The following STK3 variants were observed in gnomAD, a reference collection of about 807,000 sequenced individuals.
The protein encoded by STK3 is serine/threonine kinase 3.
A neutral mutation model predicts 58.0 loss-of-function variants in STK3; 41 were observed. The ratio of observed to expected loss-of-function variants is 0.71; its 90% CI spans 0.55 to 0.92. The LOEUF (loss-of-function observed/expected upper bound fraction) is 0.92. Among genes scored for constraint, STK3 ranks in the 40% least tolerant of loss-of-function variants. The pLI, the probability that STK3 is intolerant of heterozygous loss-of-function variation, is 0.00. For synonymous variants in STK3, 170 were observed against 191.0 expected (o/e 0.89, Z 0.91); for missense variants, 479 against 602.7 (o/e 0.79, Z 2.15).
chr8:98,632,742 C>G (rs1819353053), intron 6 of STK3, among the ~76,000 whole-genome samples: 1 of 152,012 alleles, frequency 6.6e-6, no homozygotes, highest in African/African-American at 2.4e-5. Context: ...AAAGAAAAAG[C>G]AATTTATAAC....
chr8:98,827,847 G>A (rs1010814792), upstream of STK3, among the ~76,000 whole-genome samples: 2 of 151,976 alleles, frequency 1.3e-5, no homozygotes, highest in African/African-American at 4.8e-5. Context: ...AAGATCCACA[G>A]TCTGACTGTT....
At chr8:98,743,611 A>G (rs1188949553) in intron 4 of STK3, among the ~76,000 whole-genome samples, 1 of 152,254 alleles carries the variant, frequency 6.6e-6, no homozygotes, top group African/African-American at 2.4e-5. Context: ...CTTAAACGTT[A>G]GACCTAAAAC....
At chr8:98,683,328 C>T (rs1006012632) in intron 6 of STK3, among the ~76,000 whole-genome samples, 2 of 151,882 alleles carry the variant, frequency 1.3e-5, no homozygotes, top group African/African-American at 2.4e-5. Context: ...TAATTTATTT[C>T]ATTGATTCTT....
chr8:98,428,351 T>A lies in STK3; in HGVS notation n.483+5776A>T. 1 of 1,614,108 alleles carries A rather than the reference T, an allele frequency of 6.2e-7. No individual in the cohort carries two copies. The highest frequency in any genetic ancestry group is 8.5e-7 in the Non-Finnish European group (1 of 1,180,004). On this transcript the variant is annotated intron_variant and non_coding_transcript_variant, in intron 3 of 3. Transcript: ENST00000517832. The surrounding 1 kb of genome is among the most constrained non-coding windows in gnomAD (Gnocchi z 6.7). ...ACTCCTGCTGCAGCTACAGCTACCA[T>A]GGCCGCAAAGTAGAGCCCGAGCAGG...
At chr8:98,423,201 T>G (rs1311277674) in intron 3 of STK3, among the ~76,000 whole-genome samples, 1 of 152,216 alleles carries the variant, frequency 6.6e-6, no homozygotes, top group Non-Finnish European at 1.5e-5. Flanking sequence ...AATCCTGTAT[T>G]CAATAACTAT....
chr8:98,854,466 C>A (rs1836595149), intron 3 of STK3, among the ~76,000 whole-genome samples: 1 of 152,006 alleles, frequency 6.6e-6, no homozygotes, highest in African/African-American at 2.4e-5. Flanking sequence ...ATGATGTAAT[C>A]TCGTATATAG....
At chr8:98,833,806 G>A (rs1165573211) in intron 3 of STK3, among the ~76,000 whole-genome samples, 2 of 152,116 alleles carry the variant, frequency 1.3e-5, no homozygotes, top group Non-Finnish European at 2.9e-5. Context: ...AGTTGAGGGG[G>A]GTTAGATTTT....
At chr8:98,939,847 GC>G (rs923503140) in intron 1 of STK3, among the ~76,000 whole-genome samples, 5 of 152,236 alleles carry the variant, frequency 3.3e-5, no homozygotes, top group Non-Finnish European at 7.3e-5. Context: ...GGCGGTTGGG[GC>G]CTTCCCAGAG....
At chr8:98,440,137 G>T (rs941057766) in intron 1 of STK3, among the ~76,000 whole-genome samples, 1 of 152,128 alleles carries the variant, frequency 6.6e-6, no homozygotes, top group African/African-American at 2.4e-5. Context: ...GGAGTTGAGG[G>T]TAGGCTGCTC....
chr8:98,808,813 T>C (rs1834039264), intron 1 of STK3, among the ~76,000 whole-genome samples: 1 of 152,212 alleles, frequency 6.6e-6, no homozygotes, highest in South Asian at 2.1e-4. Flanking sequence ...GCTAAAGAGA[T>C]GACTCTTGGT....
At chr8:98,633,909 G>A in intron 6 of STK3, 1 of 292,640 alleles carries the variant, frequency 3.4e-6, no homozygotes, top group Non-Finnish European at 6.9e-6. Context: ...AGTTGTCAAG[G>A]GTTAGCTGTA....
At chr8:98,704,646 T>C (rs1321699231) in intron 6 of STK3, among the ~76,000 whole-genome samples, 2 of 152,100 alleles carry the variant, frequency 1.3e-5, no homozygotes, top group Non-Finnish European at 2.9e-5. Flanking sequence ...AATATTATTT[T>C]CAGGTATATT....
intron 7 of STK3, among the ~76,000 whole-genome samples, chr8:98,587,085 G>A (rs925906056): frequency 4.1e-4 from 63 of 151,842 alleles, no homozygotes; most frequent in African/African-American, 1.5e-3. Flanking sequence ...GGTTTTTTGT[G>A]TCTCTGTTTC....
At chr8:98,346,435 A>C in the STK3 span, among the ~76,000 whole-genome samples, 1 of 151,914 alleles carries the variant, frequency 6.6e-6, no homozygotes, top group Non-Finnish European at 1.5e-5. Flanking sequence ...TTTTTTTCAA[A>C]TTTAATGAAT....
intron 6 of STK3, among the ~76,000 whole-genome samples, chr8:98,659,013 C>G (rs963253627): frequency 6.6e-6 from 1 of 152,004 alleles, no homozygotes; most frequent in Admixed American, 6.6e-5. Context: ...GTATTCAGTA[C>G]AGTAACATGC....
At chr8:98,808,329 C>T (rs574651270) in intron 1 of STK3, among the ~76,000 whole-genome samples, 20 of 152,310 alleles carry the variant, frequency 1.3e-4, no homozygotes, top group Non-Finnish European at 1.9e-4. Flanking sequence ...CATGAAACAG[C>T]TCAGTCAGTC....
At chr8:98,447,261 G>A (rs1818992088) in intron 1 of STK3, among the ~76,000 whole-genome samples, 1 of 151,924 alleles carries the variant, frequency 6.6e-6, no homozygotes, top group Admixed American at 6.6e-5. Flanking sequence ...AAAAAAAGAA[G>A]GTGAGACTTA....
At chr8:98,862,521 C>G (rs1174350161) in intron 3 of STK3, among the ~76,000 whole-genome samples, 1 of 152,180 alleles carries the variant, frequency 6.6e-6, no homozygotes, top group South Asian at 2.1e-4. Context: ...CCTTTTAATA[C>G]CATGTTAGTC....
At position 98,455,736 on chromosome 8, in the gene STK3, C is replaced by A; in HGVS notation, c.*106G>T. ...TACCATTGTCACTTTTTGACCTCTG[C>A]CTAATTGTAGGGCAAAATCTTAGGA... On this transcript the variant is annotated 3_prime_UTR_variant, in exon 11 of 11. Transcript: ENST00000419617. 2 of 1,417,286 alleles carry A rather than the reference C, an allele frequency of 1.4e-6. No individual in the cohort carries two copies. Among genetic ancestry groups the A allele is most frequent in the Non-Finnish European group, 1.9e-6 (2 of 1,045,276 alleles). 87.8% of individuals were successfully genotyped at this position (1,417,286 alleles called of 1,614,324 possible).
Sources: gnomAD v4.1 joint callset for allele counts (sites outside exome capture counted in the v4.1 genomes callset) on GRCh38, gnomAD v4.1.1 for gene constraint, Gnocchi (gnomAD v3.1) non-coding constraint, MANE v1.5 for transcripts, NCBI Gene and HGNC (gene_info 2026-07-23, HGNC 2026-07-21) for gene names.